TMEM67: variants seen among roughly 807,000 people sequenced by gnomAD.
TMEM67 encodes the protein transmembrane protein 67, also known as meckelin.
A neutral mutation model predicts 136.6 loss-of-function variants in TMEM67; 124 were observed. That is an observed-to-expected ratio of 0.91 (90% CI 0.78 to 1.05). The LOEUF (loss-of-function observed/expected upper bound fraction) is 1.05. TMEM67 is among the 50% of genes least tolerant of loss of function. The pLI is 0.00. For synonymous variants in TMEM67, 364 were observed against 390.5 expected, an observed-to-expected ratio of 0.93 and a Z score of 0.80; for missense variants, 1,107 against 1,178.4, an observed-to-expected ratio of 0.94 and a Z score of 0.89.
intron 20 of TMEM67, 95 bp downstream of exon 20, chr8:93,797,565 A>G (rs892551609): frequency 8.3e-7 from 1 of 1,205,808 alleles, no homozygotes; most frequent in Non-Finnish European, 1.2e-6. Flanking sequence ...ACAGTGGAAG[A>G]TTTCTCTAAA....
At chr8:93,826,123 C>CTT in the TMEM67 span, among the ~76,000 whole-genome samples, 5,318 of 52,320 alleles carry the variant, frequency 0.1, 1,856 homozygotes, top group East Asian at 0.16. Flanking sequence ...TTAATCATGT[C>CTT]TTTTTTTTTT....
At chr8:93,823,008 G>A (rs1222261146), downstream of TMEM67, among the ~76,000 whole-genome samples, 1 of 152,184 alleles carries the variant, frequency 6.6e-6, no homozygotes, top group Non-Finnish European at 1.5e-5. Flanking sequence ...ATAAGACATT[G>A]CCTCTACTTT....
At chr8:93,819,036 C>CGA (rs1362415949), downstream of TMEM67, 2 of 445,936 alleles carry the variant, frequency 4.5e-6, no homozygotes, top group African/African-American at 2.0e-5. Flanking sequence ...AACTCCTGAT[C>CGA]GAGAGATTCA....
In TMEM67 at chr8:93,791,472, A is replaced by T. The variant is rs955802118; in HGVS notation, c.1575+153A>T. Among the ~76,000 whole-genome samples the T allele has an allele frequency of 4.1e-4, 63 of 152,230 alleles. 2 individuals carry two copies. Among genetic ancestry groups the T allele is most frequent in the Non-Finnish European group, 1.2e-4 (8 of 68,040 alleles). ...ACAAAACCTTAGTACAATGATCATA[A>T]TCTGGAAATTAATATTGATGTAGTC... On this transcript the variant is annotated intron_variant, in intron 15 of 27. Transcript: ENST00000453321.
chr8:93,799,802 T>G, intron 21 of TMEM67, 44 bp downstream of exon 21: 1 of 1,493,530 alleles, frequency 6.7e-7, no homozygotes, highest in Non-Finnish European at 9.3e-7. Flanking sequence ...TAACATTGCT[T>G]CTTTATAACT....
intron 18 of TMEM67, among the ~76,000 whole-genome samples, chr8:93,796,606 C>T (rs1814629544): frequency 6.6e-6 from 1 of 152,040 alleles, no homozygotes; most frequent in Non-Finnish European, 1.5e-5. Context: ...GAAAGAATGC[C>T]TCAGTTTAAA....
At chr8:93,768,723 G>T (rs577616980) in intron 6 of TMEM67, among the ~76,000 whole-genome samples, 1 of 152,052 alleles carries the variant, frequency 6.6e-6, no homozygotes, top group Non-Finnish European at 1.5e-5. Context: ...TTCTCCAGGG[G>T]TGAGGAATCT....
At chr8:93,758,155 G>T (rs1179116924) in intron 2 of TMEM67, among the ~76,000 whole-genome samples, 1 of 152,168 alleles carries the variant, frequency 6.6e-6, no homozygotes, top group East Asian at 1.9e-4. Flanking sequence ...TTTTTGTGTT[G>T]TGTTGTGTTT....
chr8:93,775,402 G>A (rs1418156739), intron 7 of TMEM67, among the ~76,000 whole-genome samples: 1 of 152,078 alleles, frequency 6.6e-6, no homozygotes, highest in Non-Finnish European at 1.5e-5. Context: ...ATTGCTTTTG[G>A]TGTTTTAGTC....
rs138508720 is a variant in TMEM67, at chr8:93,799,714, T to C, written c.2197T>C (p.Tyr733His). ...YIAPYSCILRYAVSAALWLAI... is the reference protein window; with the variant it reads ...YIAPYSCILRHAVSAALWLAI... ...AGCTCCTTATAGCTGCATTTTGAGA[T>C]ATGCAGTGTCTGCTGCTCTTTGGCT... Residue 733 changes from tyrosine to histidine, a missense_variant, in exon 21 of 28, where the codon TAT becomes CAT. Around this residue, in one of 3 missense-constraint regions of TMEM67, gnomAD observed 925 missense variants for 1,002.4 expected, o/e 0.92. Transcript: ENST00000453321. The C allele has an allele frequency of 1.9e-6, 3 of 1,613,158 alleles. No individual in the cohort carries two copies. In the African/African-American group the frequency reaches 4.0e-5, roughly 22 times the overall value.
chr8:93,781,600 A>G (rs1018207521), intron 9 of TMEM67, 58 bp from the exon 10 acceptor site: 13 of 721,848 alleles, frequency 1.8e-5, no homozygotes, highest in Non-Finnish European at 3.0e-5. Flanking sequence ...ATTTCTTTAT[A>G]GGATATTGTA....
At chr8:93,825,424 G>T in the TMEM67 span, among the ~76,000 whole-genome samples, 1 of 152,124 alleles carries the variant, frequency 6.6e-6, no homozygotes, top group African/African-American at 2.4e-5. Context: ...GGCCCCATTG[G>T]GTGCTATTCA....
chr8:93,785,207 A>G lies in TMEM67; in HGVS notation c.1132-15A>G. On this transcript the variant is annotated splice_polypyrimidine_tract_variant and intron_variant, in intron 11 of 27. Coordinates refer to ENST00000453321, the MANE Select transcript of TMEM67 (RefSeq NM_153704.6). Reference sequence around the variant, plus strand: ...TGCTGTTTTATGTGCTTTTATTTTTAATTTTACTTTTCAGTGTGAGATTCC... The same window carrying G: ...TGCTGTTTTATGTGCTTTTATTTTTGATTTTACTTTTCAGTGTGAGATTCC... The G allele has an allele frequency of 1.3e-6, 2 of 1,496,396 alleles. No homozygotes were observed. Among genetic ancestry groups the G allele is most frequent in the South Asian group, 1.1e-5 (1 of 87,280 alleles). The allele number at this position is 1,496,396 out of a possible 1,614,324, so 92.7% of individuals were successfully genotyped here. A position where few individuals can be genotyped will look rare whatever the true frequency, so the allele number is the denominator to read the frequency against.
chr8:93,757,139 G>T (rs1021546126), intron 2 of TMEM67: 2 of 150,956 alleles, frequency 1.3e-5, no homozygotes, highest in Admixed American at 1.3e-4. Context: ...AAATTGTCCT[G>T]TATAAATGTA....
At position 93,785,297 on chromosome 8, in the gene TMEM67, G is replaced by T; in HGVS notation, c.1207G>T (p.Asp403Tyr). Residue 403 changes from aspartate to tyrosine, a missense_variant, in exon 12 of 28, where the codon GAT becomes TAT. By Grantham distance (160) the Asp-to-Tyr change is radical. Coordinates refer to ENST00000453321, the MANE Select transcript of TMEM67 (RefSeq NM_153704.6). ...TTATGATGTGTACCTTGAATATACT[G>T]ATGAAAATCAACATCAATATATTTT... ...IFYDVYLEYT[D>Y]ENQHQYILAV... 1 of 1,604,238 alleles carries T rather than the reference G, an allele frequency of 6.2e-7. No homozygotes were observed. Among genetic ancestry groups the T allele is most frequent in the South Asian group, 1.1e-5 (1 of 90,710 alleles).
intron 21 of TMEM67, among the ~76,000 whole-genome samples, chr8:93,802,159 A>C (rs1238197757): frequency 6.6e-6 from 1 of 152,210 alleles, no homozygotes; most frequent in African/African-American, 2.4e-5. Context: ...ATGGTGGCTT[A>C]GTGCTACTGT....
intron 3 of TMEM67, among the ~76,000 whole-genome samples, chr8:93,762,242 G>A (rs529253325): frequency 1.7e-3 from 265 of 151,836 alleles, no homozygotes; most frequent in African/African-American, 6.1e-3. Context: ...TGACAAGAGC[G>A]AAACTCTCTC....
chr8:93,825,389 G>A, the TMEM67 span, among the ~76,000 whole-genome samples: 1 of 152,198 alleles, frequency 6.6e-6, no homozygotes, highest in Non-Finnish European at 1.5e-5. Flanking sequence ...CACATTAATT[G>A]AGTGTCCAAA....
chr8:93,798,881 G>A (rs1345341233), intron 20 of TMEM67, among the ~76,000 whole-genome samples: 1 of 151,692 alleles, frequency 6.6e-6, no homozygotes, highest in Non-Finnish European at 1.5e-5. Flanking sequence ...TATTCATTGT[G>A]GAATGGCTAA....
Sources: gnomAD v4.1 joint callset for allele counts (sites outside exome capture counted in the v4.1 genomes callset) on GRCh38, gnomAD v4.1.1 for gene constraint, gnomAD v4.1.1 regional missense constraint, MANE v1.5 for transcripts, NCBI Gene and HGNC (gene_info 2026-07-23, HGNC 2026-07-21) for gene names.